GPHN: variants seen among roughly 807,000 people sequenced by gnomAD.
The protein encoded by GPHN is gephyrin.
In GPHN, 17 loss-of-function variants were observed where a neutral mutation model predicts 95.5. That is an observed-to-expected ratio of 0.18 (90% CI 0.12 to 0.27). The LOEUF is 0.27. Ranked by LOEUF, GPHN falls within the 10% of genes least tolerant of loss-of-function variation. The pLI is 1.00. For missense variants in GPHN, 660 were observed against 978.1 expected (o/e 0.67, Z 4.34); for synonymous variants, 320 against 322.5 (o/e 0.99, Z 0.08).
chr14:66,722,705 A>G lies in GPHN; in HGVS notation c.143+41520A>G, dbSNP rs536033818. Reference sequence around the variant, plus strand: ...TGATCCCCCCACCTCTAATGCTCAAATTGCTGGGATTACAGGAGTGAGCCA... The same window carrying G: ...TGATCCCCCCACCTCTAATGCTCAAGTTGCTGGGATTACAGGAGTGAGCCA... On this transcript the variant is annotated intron_variant, in intron 2 of 22. Coordinates refer to ENST00000478722, the MANE Select transcript of GPHN (RefSeq NM_020806.5). Among the ~76,000 whole-genome samples, 8 of 152,210 alleles carry G rather than the reference A, an allele frequency of 5.3e-5. No individual in the cohort carries two copies. The East Asian group carries it at 1.5e-3, about 29-fold the overall frequency.
At chr14:67,101,524 A>G (rs1009075916) in intron 13 of GPHN, among the ~76,000 whole-genome samples, 3 of 151,614 alleles carry the variant, frequency 2.0e-5, no homozygotes, top group South Asian at 2.1e-4. Context: ...TTATTAGTCA[A>G]TAATTTGATG....
chr14:67,292,535 T>A, the GPHN span: 1 of 1,612,698 alleles, frequency 6.2e-7, no homozygotes, highest in Non-Finnish European at 8.5e-7. Flanking sequence ...TTTTCTTCAC[T>A]TAAACATATC....
At chr14:67,687,358 C>G in the GPHN span, among the ~76,000 whole-genome samples, 6 of 152,238 alleles carry the variant, frequency 3.9e-5, no homozygotes, top group East Asian at 5.8e-4. Context: ...CTTTATTACT[C>G]TTGCTTTCTA....
the GPHN span, chr14:67,593,513 TAGAAAG>T: frequency 4.0e-6 from 2 of 502,632 alleles, no homozygotes. Context: ...AGAAAAAAGA[TAGAAAG>T]AGAAGGAAAA....
chr14:66,957,394 C>A (rs1346873043), intron 8 of GPHN, among the ~76,000 whole-genome samples: 1 of 151,584 alleles, frequency 6.6e-6, no homozygotes, highest in Non-Finnish European at 1.5e-5. Flanking sequence ...TGGGGTTTTG[C>A]CGTGTTGACC....
the GPHN span, among the ~76,000 whole-genome samples, chr14:67,419,627 C>G: frequency 6.6e-5 from 10 of 152,106 alleles, no homozygotes; most frequent in African/African-American, 2.4e-4. Flanking sequence ...CTTTGGGAGG[C>G]CGAGGCGGGC....
chr14:67,006,048 A>C (rs146093409), intron 9 of GPHN, among the ~76,000 whole-genome samples: 1 of 142,824 alleles, frequency 7.0e-6, no homozygotes, highest in African/African-American at 2.9e-5. Flanking sequence ...AAAGGAAGGG[A>C]GGCAATTACC....
At chr14:67,396,292 C>T in the GPHN span, among the ~76,000 whole-genome samples, 5 of 151,666 alleles carry the variant, frequency 3.3e-5, no homozygotes, top group East Asian at 2.0e-4. Context: ...GGACTACAGA[C>T]GCCCACCACC....
At chr14:66,726,430 T>C (rs558870641) in intron 2 of GPHN, among the ~76,000 whole-genome samples, 11 of 152,344 alleles carry the variant, frequency 7.2e-5, no homozygotes, top group African/African-American at 2.6e-4. Context: ...TATTTTACTA[T>C]TTTGAGAAGC....
At chr14:66,655,130 A>G (rs919946439) in intron 1 of GPHN, among the ~76,000 whole-genome samples, 1 of 152,186 alleles carries the variant, frequency 6.6e-6, no homozygotes, top group Non-Finnish European at 1.5e-5. Flanking sequence ...GTTGTAGAAT[A>G]ATATTGTCTA....
rs774110253 is a variant in GPHN at position 66,744,208 on chromosome 14, C to T, written c.144-32256C>T. ...CTGCCTATTCTGAGTTACTCTATTACACAAAATTTAATTTTATTACGCTAC... is the reference window on the plus strand; with the variant it reads ...CTGCCTATTCTGAGTTACTCTATTATACAAAATTTAATTTTATTACGCTAC... On this transcript the variant is annotated intron_variant, in intron 2 of 22. Coordinates refer to ENST00000478722, the MANE Select transcript of GPHN (RefSeq NM_020806.5). Among the ~76,000 whole-genome samples the T allele has an allele frequency of 5.9e-5, 9 of 152,296 alleles. No homozygotes were observed. The South Asian group carries it at 1.2e-3, about 21-fold the overall frequency.
chr14:66,508,293 T>C lies in GPHN; in HGVS notation c.-235T>C, dbSNP rs969569370. 5.1e-6 allele frequency: 3 copies of C among 586,272 alleles called. No individual in the cohort carries two copies. The highest frequency in any genetic ancestry group is 6.0e-5 in the Admixed American group (2 of 33,552). The allele number at this position is 586,272 out of a possible 1,614,324, so 36.3% of individuals were successfully genotyped here. A position where few individuals can be genotyped will look rare whatever the true frequency, so the allele number is the denominator to read the frequency against. On this transcript the variant is annotated 5_prime_UTR_variant, in exon 1 of 23. Transcript: ENST00000478722. The stretch of plus-strand genomic sequence containing the variant: ...CAAGCTTGCCTCCTTCTTGCCGGAC[T>C]TGGGGCCGCGCGCCCTGACTCCTTC...
the GPHN span, among the ~76,000 whole-genome samples, chr14:67,205,358 A>G: frequency 1.3e-5 from 2 of 152,178 alleles, no homozygotes; most frequent in African/African-American, 4.8e-5. Context: ...AATCAGAACC[A>G]AGTTAGACTC....
chr14:67,401,985 G>A, the GPHN span, among the ~76,000 whole-genome samples: 1 of 152,134 alleles, frequency 6.6e-6, no homozygotes, highest in Admixed American at 6.5e-5. Flanking sequence ...ATAAAAATTA[G>A]CTGGGCATGG....
chr14:66,869,679 T>C (rs2063356905), intron 4 of GPHN, among the ~76,000 whole-genome samples: 1 of 152,332 alleles, frequency 6.6e-6, no homozygotes, highest in South Asian at 2.1e-4. Context: ...CTAACTGATA[T>C]GTGCAGAACT....
intron 12 of GPHN, among the ~76,000 whole-genome samples, chr14:67,095,700 G>A (rs185390978): frequency 1.1e-3 from 161 of 151,934 alleles, no homozygotes; most frequent in Middle Eastern, 3.4e-3. Flanking sequence ...AACACCGCAT[G>A]TTCTCACTCA....
the GPHN span, among the ~76,000 whole-genome samples, chr14:67,667,851 G>A: frequency 6.6e-6 from 1 of 152,126 alleles, no homozygotes; most frequent in Admixed American, 6.5e-5. Context: ...GGCTGAGGCA[G>A]AAGAATGGCG....
intron 16 of GPHN, among the ~76,000 whole-genome samples, chr14:67,119,803 A>T (rs757569838): frequency 6.6e-5 from 10 of 151,994 alleles, no homozygotes. Context: ...AAACAAAAAC[A>T]AACAACAACA....
At chr14:66,733,004 C>A (rs114715212) in intron 2 of GPHN, among the ~76,000 whole-genome samples, 1 of 152,078 alleles carries the variant, frequency 6.6e-6, no homozygotes, top group Non-Finnish European at 1.5e-5. Flanking sequence ...TGATACAGTT[C>A]GGCTCTGGGT....
Sources: gnomAD v4.1 joint callset for allele counts (sites outside exome capture counted in the v4.1 genomes callset) on GRCh38, gnomAD v4.1.1 for gene constraint, MANE v1.5 for transcripts, NCBI Gene and HGNC (gene_info 2026-07-23, HGNC 2026-07-21) for gene names.